Variants in PCCA observed in about 807,000 individuals in gnomAD.
The protein encoded by PCCA is propionyl-CoA carboxylase subunit alpha.
Under a neutral mutation model 101.3 loss-of-function variants are expected in PCCA, and 74 were observed. That is an observed-to-expected ratio of 0.73 (90% CI 0.61 to 0.89). PCCA has a LOEUF of 0.89. PCCA is among the 40% of genes least tolerant of loss of function. The probability of loss-of-function intolerance (pLI) is 0.00; values close to 1 mark genes in which losing one functional copy is unlikely to be tolerated. For synonymous variants in PCCA, 294 were observed against 313.6 expected, an observed-to-expected ratio of 0.94 and a Z score of 0.66; for missense variants, 891 against 907.0, an observed-to-expected ratio of 0.98 and a Z score of 0.23.
At position 100,530,081 on chromosome 13, in the gene PCCA, A is replaced by G. The variant is rs2088289092; in HGVS notation, c.2119-17A>G. 1 of 1,609,546 alleles carries G rather than the reference A, an allele frequency of 6.2e-7. No homozygotes were observed. Among genetic ancestry groups the G allele is most frequent in the African/African-American group, 1.3e-5 (1 of 74,930 alleles). On this transcript the variant is annotated splice_polypyrimidine_tract_variant and intron_variant, in intron 23 of 23. Transcript: ENST00000376285. ...AATTCTTACTCTCCCCTCCCCCTGC[A>G]TTTTTCAAAATTCAAGGTGAAATCT...
intron 4 of PCCA, among the ~76,000 whole-genome samples, chr13:100,148,454 G>A (rs558635754): frequency 1.5e-4 from 17 of 110,570 alleles, no homozygotes; most frequent in South Asian, 3.0e-4. Context: ...GCTTTATTCC[G>A]CAGTCCTTTC....
chr13:100,522,812 G>A (rs1325741457), intron 22 of PCCA, among the ~76,000 whole-genome samples: 1 of 152,176 alleles, frequency 6.6e-6, no homozygotes, highest in Admixed American at 6.5e-5. Context: ...CCCCCATTTT[G>A]TGGCTCTGAA....
chr13:100,128,140 C>G (rs965245107), intron 4 of PCCA, among the ~76,000 whole-genome samples: 2 of 152,146 alleles, frequency 1.3e-5, no homozygotes, highest in Non-Finnish European at 2.9e-5. Context: ...ATTGGGGCTT[C>G]AAGTATAAAG....
intron 20 of PCCA, among the ~76,000 whole-genome samples, chr13:100,448,963 T>C (rs769851563): frequency 2.6e-5 from 4 of 152,244 alleles, no homozygotes; most frequent in Non-Finnish European, 5.9e-5. Context: ...AGACCTCCTC[T>C]TGGAGGCATC....
intron 21 of PCCA, among the ~76,000 whole-genome samples, chr13:100,470,133 C>T (rs904921043): frequency 2.0e-5 from 3 of 152,150 alleles, no homozygotes; most frequent in African/African-American, 7.2e-5. Flanking sequence ...GAGTGGGCTT[C>T]CTCGAGATGG....
At chr13:100,418,883 C>G (rs577253924) in intron 19 of PCCA, among the ~76,000 whole-genome samples, 1 of 151,868 alleles carries the variant, frequency 6.6e-6, no homozygotes, top group East Asian at 1.9e-4. Context: ...GACAATGGCA[C>G]TCTGCAGGTG....
chr13:100,403,889 T>C (rs1356644587), intron 19 of PCCA, among the ~76,000 whole-genome samples: 1 of 152,102 alleles, frequency 6.6e-6, no homozygotes. Context: ...CGCAGCTGGT[T>C]GGAATTTTTC....
intron 4 of PCCA, among the ~76,000 whole-genome samples, chr13:100,145,227 C>T (rs570295620): frequency 2.8e-4 from 42 of 152,172 alleles, no homozygotes; most frequent in Non-Finnish European, 5.3e-4. Context: ...TATGTAAAAG[C>T]ATACAGCATA....
chr13:100,323,789 A>G (rs769778648), intron 16 of PCCA, among the ~76,000 whole-genome samples: 1 of 152,204 alleles, frequency 6.6e-6, no homozygotes, highest in Non-Finnish European at 1.5e-5. Flanking sequence ...CCAGCATTGC[A>G]TTAAGCATTA....
chr13:100,306,775 G>A (rs1162749659), intron 14 of PCCA, among the ~76,000 whole-genome samples: 1 of 152,160 alleles, frequency 6.6e-6, no homozygotes, highest in South Asian at 2.1e-4. Flanking sequence ...GACATGAAAG[G>A]CCCAGGCCCA....
At chr13:100,387,085 T>C (rs2076551881) in intron 19 of PCCA, among the ~76,000 whole-genome samples, 1 of 151,864 alleles carries the variant, frequency 6.6e-6, no homozygotes, top group Admixed American at 6.6e-5. Context: ...AAATGGAGAG[T>C]GCTGGTCCCA....
chr13:100,218,166 G>A (rs1261464429), intron 7 of PCCA, among the ~76,000 whole-genome samples: 1 of 151,766 alleles, frequency 6.6e-6, no homozygotes, highest in African/African-American at 2.4e-5. Flanking sequence ...TTGTATGCAA[G>A]TATTTGCTTA....
rs759626879 is a variant in PCCA, at chr13:100,154,990, A to G, written c.312A>G (p.Lys104=). ...ATTTGTCTCCTCAGGTTCATGTGAA[A>G]ATGGCGGATGAGGCTGTCTGTGTTG... ...SDVDASSVHV[K]MADEAVCVGP... Residue 104 remains lysine, a synonymous_variant, in exon 5 of 24, where the codon AAA becomes AAG. Coordinates refer to ENST00000376285, the MANE Select transcript of PCCA (RefSeq NM_000282.4). 1 of 1,613,590 alleles carries G rather than the reference A, an allele frequency of 6.2e-7. No individual in the cohort carries two copies. Among genetic ancestry groups the G allele is most frequent in the Admixed American group, 1.7e-5 (1 of 60,010 alleles).
intron 1 of PCCA, among the ~76,000 whole-genome samples, chr13:100,096,071 A>G (rs1032377135): frequency 2.0e-5 from 3 of 152,152 alleles, no homozygotes; most frequent in African/African-American, 7.2e-5. Flanking sequence ...TAGAGCCAGT[A>G]TCTTGCTGTG....
chr13:100,225,444 A>G (rs560270233), intron 7 of PCCA, among the ~76,000 whole-genome samples: 26 of 152,326 alleles, frequency 1.7e-4, no homozygotes, highest in Non-Finnish European at 2.8e-4. Context: ...AGTTTTGTAA[A>G]TTAGGCAGTG....
Position 100,368,521 on chromosome 13 carries a change from T to C in PCCA, c.1693T>C (p.Leu565=), listed in dbSNP as rs767365284. Residue 565 remains leucine (L), a synonymous_variant, in exon 19 of 24, where the codon TTG becomes CTG. Transcript: ENST00000376285. ...AGCCAACTGGGAGCTCTCAGTAAAA[T>C]TGCATGATAAAGTTCATACCGTAGT... is the stretch of plus-strand genomic sequence containing the variant. The part of the protein sequence containing the change: ...DIANWELSVK[L]HDKVHTVVAS... 8 of 1,611,968 alleles carry C rather than the reference T, an allele frequency of 5.0e-6. No individual in the cohort carries two copies. The South Asian group carries it at 7.7e-5, about 16-fold the overall frequency.
intron 4 of PCCA, among the ~76,000 whole-genome samples, chr13:100,154,148 A>G (rs1251488578): frequency 6.6e-6 from 1 of 152,184 alleles, no homozygotes; most frequent in East Asian, 1.9e-4. Flanking sequence ...AGTTTCTGAA[A>G]CTGGAAAGCC....
intron 19 of PCCA, among the ~76,000 whole-genome samples, chr13:100,389,238 C>G (rs1282208361): frequency 8.3e-6 from 1 of 119,986 alleles, no homozygotes; most frequent in Non-Finnish European, 1.9e-5. Flanking sequence ...CAGGCTGAGA[C>G]CTACACAGGA....
At chr13:100,468,696 T>G (rs9585442) in intron 21 of PCCA, among the ~76,000 whole-genome samples, 17,583 of 152,120 alleles carry the variant, frequency 0.12, 1,811 homozygotes, top group African/African-American at 0.28. Flanking sequence ...TTGGCTTAAG[T>G]GAATGTTGTG....
Sources: allele counts gnomAD v4.1 joint callset (sites outside exome capture counted in the v4.1 genomes callset), GRCh38; gene constraint gnomAD v4.1.1; transcripts MANE v1.5; gene names NCBI Gene and HGNC (gene_info 2026-07-23, HGNC 2026-07-21).